Variants in RAB27B observed in about 807,000 individuals in gnomAD.
RAB27B encodes the protein ras-related protein Rab-27B.
A neutral mutation model predicts 24.6 loss-of-function variants in RAB27B; 15 were observed. The observed-to-expected ratio is 0.61, with a 90% CI of 0.41 to 0.94. RAB27B has a LOEUF of 0.94. Among genes scored for constraint, RAB27B ranks in the 40% least tolerant of loss-of-function variants. The pLI is 0.00. For synonymous variants in RAB27B, 105 were observed against 92.5 expected (o/e 1.14, Z -0.78); for missense variants, 261 against 266.8 (o/e 0.98, Z 0.15).
intron 1 of RAB27B, among the ~76,000 whole-genome samples, chr18:54,852,303 T>G (rs1598961384): frequency 6.6e-6 from 1 of 152,112 alleles, no homozygotes; most frequent in African/African-American, 2.4e-5. Flanking sequence ...GAGGCCCAGG[T>G]TAAAGAAATT....
At chr18:54,742,248 C>T (rs886171191) in intron 2 of RAB27B, among the ~76,000 whole-genome samples, 3 of 152,282 alleles carry the variant, frequency 2.0e-5, no homozygotes, top group Admixed American at 2.0e-4. Flanking sequence ...AGGAAACTTA[C>T]AGGAGAGACC....
At chr18:54,841,643 A>C (rs1911125432) in intron 1 of RAB27B, among the ~76,000 whole-genome samples, 1 of 152,214 alleles carries the variant, frequency 6.6e-6, no homozygotes, top group Admixed American at 6.5e-5. Context: ...TTTCTAAGCC[A>C]AATTTAGCCA....
intron 1 of RAB27B, among the ~76,000 whole-genome samples, chr18:54,835,707 T>C (rs1188757023): frequency 2.0e-5 from 3 of 152,180 alleles, no homozygotes; most frequent in South Asian, 2.1e-4. Flanking sequence ...AAGATGCTAG[T>C]TGATGAAGCC....
chr18:54,784,993 C>T (rs542007362), intron 2 of RAB27B, among the ~76,000 whole-genome samples: 37 of 152,296 alleles, frequency 2.4e-4, no homozygotes, highest in African/African-American at 6.7e-4. Flanking sequence ...CTAAATATGC[C>T]CTTTGCCCCC....
chr18:54,815,888 T>A (rs552035278), intron 2 of RAB27B, among the ~76,000 whole-genome samples: 11 of 152,228 alleles, frequency 7.2e-5, no homozygotes, highest in African/African-American at 2.4e-4. Context: ...CCTCCCAAAG[T>A]GCTGGGATTA....
chr18:54,760,111 AC>A (rs989556590), intron 2 of RAB27B, among the ~76,000 whole-genome samples: 1 of 152,026 alleles, frequency 6.6e-6, no homozygotes, highest in Non-Finnish European at 1.5e-5. Context: ...GGTTGTGGAT[AC>A]CCCCCAGAAG....
intron 2 of RAB27B, among the ~76,000 whole-genome samples, chr18:54,780,511 C>G (rs1908880850): frequency 2.6e-5 from 4 of 151,930 alleles, no homozygotes; most frequent in Admixed American, 2.6e-4. Flanking sequence ...ACCGTGTCTC[C>G]CCTTTCTTGA....
intron 2 of RAB27B, among the ~76,000 whole-genome samples, chr18:54,761,458 T>C (rs1471128374): frequency 6.6e-6 from 1 of 152,208 alleles, no homozygotes; most frequent in Non-Finnish European, 1.5e-5. Flanking sequence ...CAACAAAATA[T>C]ACTAAGCTAT....
chr18:54,821,050 G>A (rs943307483), intron 2 of RAB27B, among the ~76,000 whole-genome samples: 2 of 151,926 alleles, frequency 1.3e-5, no homozygotes, highest in Non-Finnish European at 2.9e-5. Context: ...AGCTTGATGG[G>A]GAAGGAAATA....
chr18:54,722,440 C>T (rs1909388733), intron 2 of RAB27B, among the ~76,000 whole-genome samples: 1 of 152,124 alleles, frequency 6.6e-6, no homozygotes, highest in African/African-American at 2.4e-5. Context: ...AGTGAGATGA[C>T]TACATCCACG....
At chr18:54,881,930 C>T (rs1030579235) in intron 3 of RAB27B, among the ~76,000 whole-genome samples, 1 of 152,106 alleles carries the variant, frequency 6.6e-6, no homozygotes, top group African/African-American at 2.4e-5. Context: ...TCAAATGAGA[C>T]ACACACACTT....
intron 2 of RAB27B, among the ~76,000 whole-genome samples, chr18:54,729,193 T>C (rs981882863): frequency 1.3e-5 from 2 of 152,048 alleles, no homozygotes; most frequent in African/African-American, 2.4e-5. Flanking sequence ...CTATTTGGAA[T>C]ACAAAATATC....
rs528338446 is a variant in RAB27B at position 54,877,627 on chromosome 18, C to T, written c.42C>T (p.Ala14=). The T allele has an allele frequency of 1.6e-4, 251 of 1,591,124 alleles. 1 individual carries two copies. Among genetic ancestry groups the T allele is most frequent in the Non-Finnish European group, 1.1e-4 (130 of 1,173,308 alleles). Reference sequence around the variant, plus strand: ...ATGATTATCTGATCAAACTCCTGGCCCTCGGGGATTCAGGGGTGGGGAAGA... The same window carrying T: ...ATGATTATCTGATCAAACTCCTGGCTCTCGGGGATTCAGGGGTGGGGAAGA... ...GDYDYLIKLL[A]LGDSGVGKTT... is the part of the protein sequence containing the mutation. Residue 14 remains alanine (A), a synonymous_variant, in exon 2 of 6, where the codon GCC becomes GCT. Transcript: ENST00000262094.
At chr18:54,769,988 C>G (rs1403741343) in intron 2 of RAB27B, among the ~76,000 whole-genome samples, 1 of 152,144 alleles carries the variant, frequency 6.6e-6, no homozygotes, top group Admixed American at 6.5e-5. Context: ...CTGCCTCAGC[C>G]TCCTGAGTAA....
At chr18:54,855,532 CT>C (rs1911750206) in intron 1 of RAB27B, among the ~76,000 whole-genome samples, 1 of 152,184 alleles carries the variant, frequency 6.6e-6, no homozygotes, top group Non-Finnish European at 1.5e-5. Context: ...CAATGATTCT[CT>C]TGAGTGGAGT....
chr18:54,760,676 C>A (rs535753525), intron 2 of RAB27B, among the ~76,000 whole-genome samples: 5 of 151,910 alleles, frequency 3.3e-5, no homozygotes, highest in Non-Finnish European at 5.9e-5. Context: ...TACAGGGTAA[C>A]GTAACACAGA....
intron 2 of RAB27B, among the ~76,000 whole-genome samples, chr18:54,819,220 TATA>T (rs1306931892): frequency 4.7e-5 from 7 of 147,982 alleles, no homozygotes; most frequent in African/African-American, 1.2e-4. Flanking sequence ...TAATTCTAAA[TATA>T]ATAGAATTAT....
At chr18:54,888,310 A>T (rs1265673345) in intron 5 of RAB27B, among the ~76,000 whole-genome samples, 192 bp downstream of exon 5, 2 of 152,236 alleles carry the variant, frequency 1.3e-5, no homozygotes, top group East Asian at 1.9e-4. Flanking sequence ...CATTTACTGT[A>T]TACCTATAAT....
Position 54,859,320 on chromosome 18 carries a change from C to T in RAB27B, c.-19-18247C>T, listed in dbSNP as rs988514296. Among the ~76,000 whole-genome samples, 4 of 152,124 alleles carry T rather than the reference C, an allele frequency of 2.6e-5. No individual in the cohort carries two copies. The East Asian group carries it at 7.7e-4, about 29-fold the overall frequency. ...AACAGTCACTGTGAATATGAGTAGT[C>T]AACAGGATATGTTTCCATATGAAGG... On this transcript the variant is annotated intron_variant, in intron 1 of 5. Transcript: ENST00000262094.
Sources: allele counts gnomAD v4.1 joint callset (sites outside exome capture counted in the v4.1 genomes callset), GRCh38; gene constraint gnomAD v4.1.1; transcripts MANE v1.5; gene names NCBI Gene and HGNC (gene_info 2026-07-23, HGNC 2026-07-21).